The following ZBTB20 variants were observed in gnomAD, a reference collection of about 807,000 sequenced individuals.
ZBTB20 encodes zinc finger and BTB domain containing 20.
A neutral mutation model predicts 56.9 loss-of-function variants in ZBTB20; 9 were observed. The observed-to-expected ratio is 0.16, with a 90% CI of 0.10 to 0.28. The LOEUF (loss-of-function observed/expected upper bound fraction) is 0.28, where lower values mean the gene tolerates loss of function less well. ZBTB20 is among the 10% of genes least tolerant of loss of function. The pLI is 1.00. For synonymous variants in ZBTB20, 417 were observed against 420.7 expected (o/e 0.99, Z 0.11); for missense variants, 655 against 1,003.0 (o/e 0.65, Z 4.69).
intron 6 of ZBTB20, among the ~76,000 whole-genome samples, chr3:114,608,611 G>A (rs2057338242): frequency 2.0e-5 from 3 of 152,148 alleles, no homozygotes; most frequent in Admixed American, 6.5e-5. Context: ...AAACTCCTAT[G>A]TTCCTTTAAA....
intron 5 of ZBTB20, among the ~76,000 whole-genome samples, chr3:114,709,611 T>C (rs2063928282): frequency 6.6e-6 from 1 of 152,162 alleles, no homozygotes; most frequent in African/African-American, 2.4e-5. Context: ...TGTTCTGGAA[T>C]AGGCTGCCTG....
At chr3:114,924,287 A>G (rs1481543770) in intron 3 of ZBTB20, among the ~76,000 whole-genome samples, 1 of 152,212 alleles carries the variant, frequency 6.6e-6, no homozygotes, top group African/African-American at 2.4e-5. Context: ...ATAATACCCA[A>G]AAGATGGAAA....
chr3:114,588,622 T>C (rs923208362), intron 6 of ZBTB20, among the ~76,000 whole-genome samples: 1 of 152,086 alleles, frequency 6.6e-6, no homozygotes. Context: ...AAAATCCCCA[T>C]GCCTGAAGAA....
At chr3:114,609,445 C>A (rs1189200147) in intron 6 of ZBTB20, among the ~76,000 whole-genome samples, 1 of 152,148 alleles carries the variant, frequency 6.6e-6, no homozygotes, top group African/African-American at 2.4e-5. Flanking sequence ...AGATTAAAAA[C>A]ACAAGCCTGC....
intron 3 of ZBTB20, among the ~76,000 whole-genome samples, chr3:114,917,175 G>C (rs193061091): frequency 1.2e-4 from 18 of 151,898 alleles, no homozygotes; most frequent in African/African-American, 4.1e-4. Flanking sequence ...CATTCTTCAG[G>C]GTGTCAACTG....
intron 2 of ZBTB20, among the ~76,000 whole-genome samples, chr3:114,996,233 G>A (rs753610257): frequency 1.3e-5 from 2 of 151,552 alleles, no homozygotes; most frequent in African/African-American, 2.4e-5. Flanking sequence ...TATGCTTTAA[G>A]CTCCGGGGTA....
intron 5 of ZBTB20, among the ~76,000 whole-genome samples, chr3:114,748,282 C>CTT (rs2067219845): frequency 1.9e-5 from 1 of 52,192 alleles, no homozygotes; most frequent in Non-Finnish European, 4.5e-5. Flanking sequence ...GTTGTAGCTT[C>CTT]TTTCTTTCTT....
intron 6 of ZBTB20, among the ~76,000 whole-genome samples, chr3:114,573,140 G>T (rs1358622514): frequency 6.6e-6 from 1 of 152,068 alleles, no homozygotes; most frequent in Non-Finnish European, 1.5e-5. Flanking sequence ...GTTAATCTTA[G>T]AAATGACTGA....
At chr3:115,066,625 C>G (rs1394578973) in intron 2 of ZBTB20, among the ~76,000 whole-genome samples, 2 of 152,086 alleles carry the variant, frequency 1.3e-5, no homozygotes, top group Non-Finnish European at 2.9e-5. Context: ...CACTTAAAAC[C>G]CTTCAGAGGA....
At chr3:114,476,638 T>C (rs2040805276) in intron 7 of ZBTB20, among the ~76,000 whole-genome samples, 1 of 152,104 alleles carries the variant, frequency 6.6e-6, no homozygotes, top group South Asian at 2.1e-4. Context: ...ACTCTCATGA[T>C]AACTAATGCA....
rs539794517 is a variant in ZBTB20, at chr3:114,318,377, A to C, written c.*20628T>G. ...ATCCATGGAATGTGGGCTGCTGAGAAAGGCAGAGCCAGGCTAGGGAACGAT... is the reference window on the plus strand; with the variant it reads ...ATCCATGGAATGTGGGCTGCTGAGACAGGCAGAGCCAGGCTAGGGAACGAT... On this transcript the variant is annotated 3_prime_UTR_variant, in exon 12 of 12. Transcript: ENST00000675478. 1 of 152,480 alleles carries C rather than the reference A, an allele frequency of 6.6e-6. No individual in the cohort carries two copies. Among genetic ancestry groups the C allele is most frequent in the African/African-American group, 2.4e-5 (1 of 41,576 alleles). The allele number at this position is 152,480 out of a possible 1,614,324, so 9.4% of individuals were successfully genotyped here.
intron 5 of ZBTB20, among the ~76,000 whole-genome samples, chr3:114,741,077 C>T (rs9289002): frequency 0.098 from 14,941 of 152,184 alleles, 1,059 homozygotes; most frequent in East Asian, 0.35. Context: ...CTATTTCCTA[C>T]GGTTACCACC....
Position 115,078,595 on chromosome 3 carries a change from A to ATGTGTGTGTG in ZBTB20, c.-702-7191_-702-7182dup, listed in dbSNP as rs10662256. Among the ~76,000 whole-genome samples the ATGTGTGTGTG allele has an allele frequency of 1.0e-3, 132 of 130,600 alleles. 1 individual carries two copies. The highest frequency in any genetic ancestry group is 3.8e-3 in the African/African-American group (128 of 34,102). The allele number at this position is 130,600 out of a possible 152,430, so 85.7% of individuals were successfully genotyped here. A position where few individuals can be genotyped will look rare whatever the true frequency, so the allele number is the denominator to read the frequency against. ...ATAGAACAACATTATCAGTAAGAAT[A>ATGTGTGTGTG]TGTGTGTGTGTGTGTGTGTATATAT... On this transcript the variant is annotated intron_variant, in intron 1 of 11. Transcript: ENST00000675478.
chr3:114,762,517 T>C (rs1483171801), intron 5 of ZBTB20, among the ~76,000 whole-genome samples: 1 of 152,220 alleles, frequency 6.6e-6, no homozygotes, highest in Non-Finnish European at 1.5e-5. Context: ...TATTTCTTTA[T>C]GGAGGAGCTG....
chr3:114,877,809 C>G (rs1224230182), intron 4 of ZBTB20, among the ~76,000 whole-genome samples: 1 of 152,012 alleles, frequency 6.6e-6, no homozygotes, highest in East Asian at 1.9e-4. Context: ...TTTCTTCCAT[C>G]TAATGACTCT....
intron 4 of ZBTB20, among the ~76,000 whole-genome samples, chr3:114,862,869 C>G (rs1266591007): frequency 6.6e-6 from 1 of 152,094 alleles, no homozygotes; most frequent in Non-Finnish European, 1.5e-5. Flanking sequence ...ATAACCAAAT[C>G]TAGGATAATA....
intron 2 of ZBTB20, among the ~76,000 whole-genome samples, chr3:115,060,802 T>C (rs935201410): frequency 5.3e-5 from 8 of 152,172 alleles, no homozygotes; most frequent in African/African-American, 1.7e-4. Flanking sequence ...ACAACCCAGT[T>C]AACTTTATCA....
chr3:114,315,727 G>GA lies in ZBTB20; in HGVS notation c.*23277dup, dbSNP rs77864403. ...GAATCTTATCACAACACTGCGGCGG[G>GA]AAAATCAGGAAATGGGTTCACCTTT... On this transcript the variant is annotated 3_prime_UTR_variant, in exon 12 of 12. Transcript: ENST00000675478. The GA allele has an allele frequency of 0.56, 84,512 of 151,830 alleles. 23,815 individuals carry two copies. The highest frequency in any genetic ancestry group is 0.85 in the East Asian group (4,366 of 5,150). The allele number at this position is 151,830 out of a possible 1,614,324, so 9.4% of individuals were successfully genotyped here. A position where few individuals can be genotyped will look rare whatever the true frequency, so the allele number is the denominator to read the frequency against.
At chr3:114,495,751 C>T (rs2043217947) in intron 7 of ZBTB20, among the ~76,000 whole-genome samples, 2 of 151,884 alleles carry the variant, frequency 1.3e-5, no homozygotes, top group African/African-American at 2.4e-5. Flanking sequence ...AGGAAGGGTC[C>T]TGAAAATGGT....
Sources: gnomAD v4.1 joint callset for allele counts (sites outside exome capture counted in the v4.1 genomes callset) on GRCh38, gnomAD v4.1.1 for gene constraint, MANE v1.5 for transcripts, NCBI Gene and HGNC (gene_info 2026-07-23, HGNC 2026-07-21) for gene names.